NPAS3: variants seen among roughly 807,000 people sequenced by gnomAD.
NPAS3 encodes the protein neuronal PAS domain protein 3, also known as neuronal PAS domain-containing protein 3.
Under a neutral mutation model 73.1 loss-of-function variants are expected in NPAS3, and 14 were observed. The observed-to-expected ratio is 0.19, with a 90% CI of 0.13 to 0.30. NPAS3 has a LOEUF of 0.30. NPAS3 is among the 10% of genes least tolerant of loss of function. The pLI is 1.00. For synonymous variants in NPAS3, 620 were observed against 541.5 expected (o/e 1.14, Z -2.01); for missense variants, 1,096 against 1,250.0 (o/e 0.88, Z 1.86).
intron 2 of NPAS3, among the ~76,000 whole-genome samples, chr14:33,147,447 A>G (rs1344617139): frequency 6.6e-6 from 1 of 152,124 alleles, no homozygotes; most frequent in African/African-American, 2.4e-5. Flanking sequence ...TTATAACTAT[A>G]ATAGTAAACC....
chr14:33,306,876 G>C (rs986931920), intron 3 of NPAS3, among the ~76,000 whole-genome samples: 2 of 152,174 alleles, frequency 1.3e-5, no homozygotes, highest in African/African-American at 4.8e-5. Flanking sequence ...GTTGGGAAGG[G>C]GAGCAGAGTC....
chr14:32,966,488 G>A (rs1022922586), intron 1 of NPAS3, among the ~76,000 whole-genome samples: 10 of 152,118 alleles, frequency 6.6e-5, no homozygotes, highest in African/African-American at 1.9e-4. Flanking sequence ...AGGAAAACTG[G>A]ATATCTACAT....
At chr14:33,682,116 A>ATGTT (rs1164853385) in intron 6 of NPAS3, among the ~76,000 whole-genome samples, 1 of 152,228 alleles carries the variant, frequency 6.6e-6, no homozygotes, top group East Asian at 1.9e-4. Flanking sequence ...TTTATGATGA[A>ATGTT]TGTTTATCAA....
In NPAS3 at chr14:33,787,483, G is replaced by A. The variant is rs918680348; in HGVS notation, c.1154-6414G>A. Among the ~76,000 whole-genome samples, 4 of 151,526 alleles carry A rather than the reference G, an allele frequency of 2.6e-5. 1 individual carries two copies. Among genetic ancestry groups the A allele is most frequent in the East Asian group, 3.9e-4 (2 of 5,162 alleles). ...AGCGTATTAGGGGGGAAAATCCATC[G>A]ATGATGCATACTCATTCACAAAACA... is the stretch of plus-strand genomic sequence containing the variant. On this transcript the variant is annotated intron_variant, in intron 9 of 11. Coordinates refer to ENST00000356141, the Ensembl canonical transcript of NPAS3.
intron 4 of NPAS3, among the ~76,000 whole-genome samples, chr14:33,477,568 T>A (rs993509358): frequency 6.6e-6 from 1 of 152,064 alleles, no homozygotes; most frequent in African/African-American, 2.4e-5. Context: ...CACAGCCATA[T>A]AAGTAGCCTA....
intron 4 of NPAS3, among the ~76,000 whole-genome samples, chr14:33,368,092 G>T (rs886825140): frequency 1.3e-5 from 2 of 151,932 alleles, no homozygotes; most frequent in African/African-American, 4.8e-5. Context: ...ACAAGTTTGG[G>T]ATATGTAGGC....
intron 2 of NPAS3, among the ~76,000 whole-genome samples, chr14:33,168,288 T>C (rs2045244843): frequency 6.6e-6 from 1 of 152,082 alleles, no homozygotes; most frequent in Non-Finnish European, 1.5e-5. Flanking sequence ...GCTTACTGTG[T>C]GTAGAACAGC....
intron 2 of NPAS3, among the ~76,000 whole-genome samples, chr14:33,115,254 G>C (rs17539217): frequency 0.041 from 6,191 of 152,214 alleles, 157 homozygotes; most frequent in Non-Finnish European, 0.063. Context: ...TGAGAGAAAC[G>C]TTTCAACACA....
chr14:33,395,873 T>C (rs2047200564), intron 4 of NPAS3, among the ~76,000 whole-genome samples: 1 of 152,168 alleles, frequency 6.6e-6, no homozygotes, highest in Non-Finnish European at 1.5e-5. Context: ...ATAGCACTAA[T>C]TATTCTGCAT....
chr14:33,790,891 A>G (rs779903332), intron 9 of NPAS3, among the ~76,000 whole-genome samples: 6 of 152,056 alleles, frequency 3.9e-5, no homozygotes, highest in Non-Finnish European at 5.9e-5. Context: ...CTAGTCTCGA[A>G]CTCCTGGCCT....
chr14:33,680,608 T>A (rs1298272773), intron 6 of NPAS3: 22 of 702,800 alleles, frequency 3.1e-5, no homozygotes, highest in Non-Finnish European at 5.7e-5. Flanking sequence ...TCCAGTGGTT[T>A]GCTTCCCACC....
intron 7 of NPAS3, among the ~76,000 whole-genome samples, chr14:33,771,675 G>C (rs923001230): frequency 2.0e-5 from 3 of 152,104 alleles, no homozygotes; most frequent in Non-Finnish European, 4.4e-5. Context: ...AGCTGGGCAT[G>C]GTGGCGGGGC....
intron 3 of NPAS3, among the ~76,000 whole-genome samples, chr14:33,262,059 C>T (rs545199390): frequency 6.6e-6 from 1 of 152,274 alleles, no homozygotes; most frequent in Admixed American, 6.5e-5. Flanking sequence ...CTCTGTCCTC[C>T]ACTTTGTTTT....
intron 3 of NPAS3, among the ~76,000 whole-genome samples, chr14:33,216,104 G>T (rs1428714051): frequency 6.6e-6 from 1 of 152,032 alleles, no homozygotes; most frequent in Non-Finnish European, 1.5e-5. Flanking sequence ...ATTTAAATAT[G>T]CATGGATATA....
intron 6 of NPAS3, among the ~76,000 whole-genome samples, chr14:33,710,288 A>C (rs867410545): frequency 2.6e-5 from 4 of 152,318 alleles, no homozygotes; most frequent in Middle Eastern, 6.8e-3. Context: ...TCTAGAATAG[A>C]GCCAAAGTTG....
intron 5 of NPAS3, among the ~76,000 whole-genome samples, chr14:33,607,712 C>T (rs959905229): frequency 3.3e-5 from 5 of 152,244 alleles, no homozygotes; most frequent in South Asian, 2.1e-4. Context: ...TGTATTAGTC[C>T]GTTCTCATGC....
chr14:33,800,599 CGGGGGCGGGGGCGGGGGCGGCGGCGCG>C lies in NPAS3; in HGVS notation c.2301_2327del (p.Gly769_Gly777del), dbSNP rs1221384697. ...GGGACAAGCACCCCGGGAACGGCGG[CGGGGGCGGGGGCGGGGGCGGCGGCGCG>C]GGGGGCGGCGGCCCCAGCGCGTCCA... On this transcript the variant is annotated inframe_deletion, in exon 12 of 12. Transcript: ENST00000356141. The surrounding 1 kb of genome is among the most constrained non-coding windows in gnomAD (Gnocchi z 6.5). 6.2e-6 allele frequency: 8 copies of C among 1,287,678 alleles called. 1 individual carries two copies. Among genetic ancestry groups the C allele is most frequent in the South Asian group, 5.4e-5 (2 of 37,332 alleles). 79.8% of individuals were successfully genotyped at this position (1,287,678 alleles called of 1,614,324 possible).
chr14:33,000,278 A>G (rs1207863987), intron 1 of NPAS3, among the ~76,000 whole-genome samples: 1 of 152,184 alleles, frequency 6.6e-6, no homozygotes, highest in East Asian at 1.9e-4. Context: ...ACCTGTTTTA[A>G]TGACTATTGC....
intron 5 of NPAS3, among the ~76,000 whole-genome samples, chr14:33,570,077 A>G (rs1267654603): frequency 2.0e-5 from 3 of 152,232 alleles, no homozygotes; most frequent in Admixed American, 6.5e-5. Context: ...TTAAATGTCT[A>G]TACAGAGATT....
Sources: gnomAD v4.1 joint callset for allele counts (sites outside exome capture counted in the v4.1 genomes callset) on GRCh38, gnomAD v4.1.1 for gene constraint, Gnocchi (gnomAD v3.1) non-coding constraint, MANE v1.5 for transcripts, NCBI Gene and HGNC (gene_info 2026-07-23, HGNC 2026-07-21) for gene names.